Variants in WASHC2C observed in about 807,000 individuals in gnomAD.
WASHC2C encodes Vaccinia Penetration Factor.
WASHC2C carries 73 observed loss-of-function variants against 142.2 expected under a neutral mutation model. The observed-to-expected ratio is 0.51, with a 90% CI of 0.43 to 0.62. The LOEUF (loss-of-function observed/expected upper bound fraction) is 0.62, where lower values mean the gene tolerates loss of function less well. Among genes scored for constraint, WASHC2C ranks in the 20% least tolerant of loss-of-function variants. The probability of loss-of-function intolerance (pLI) is 0.00; values close to 1 mark genes in which losing one functional copy is unlikely to be tolerated. For synonymous variants in WASHC2C, 337 were observed against 565.5 expected (o/e 0.60, Z 5.73); for missense variants, 969 against 1,531.7 (o/e 0.63, Z 6.13).
chr10:45,784,271 T>TATATATATATATACACACAC, intron 23 of WASHC2C, among the ~76,000 whole-genome samples: 1 of 8,724 alleles, frequency 1.1e-4, no homozygotes, highest in South Asian at 0.012. Context: ...TATATATATA[T>TATATATATATATACACACAC]ATATATATAT....
Position 45,750,174 on chromosome 10 carries a change from G to T in WASHC2C, c.811G>T (p.Asp271Tyr), listed in dbSNP as rs567595903. 44 of 1,611,460 alleles carry T rather than the reference G, an allele frequency of 2.7e-5. No homozygotes were observed. In the East Asian group the frequency reaches 8.9e-4, roughly 33 times the overall value. Reference sequence around the variant, plus strand: ...TGCTGACTCTGAGAAGGAGGAGGAAGATATTGAGGACATTGAAGAAAATAC... The same window carrying T: ...TGCTGACTCTGAGAAGGAGGAGGAATATATTGAGGACATTGAAGAAAATAC... ...LFADSEKEEE[D>Y]IEDIEENTRP... is the part of the protein sequence containing the mutation. Residue 271 changes from aspartate to tyrosine, a missense_variant, in exon 9 of 31, where the codon GAT becomes TAT. Physicochemically the swap from Asp to Tyr is radical, Grantham distance 160. Coordinates refer to ENST00000623400, the MANE Select transcript of WASHC2C (RefSeq NM_001330074.2).
intron 15 of WASHC2C, among the ~76,000 whole-genome samples, chr10:45,755,824 AT>A: frequency 6.6e-6 from 1 of 151,916 alleles, no homozygotes; most frequent in South Asian, 2.1e-4. Context: ...AGATCCCTAG[AT>A]CCCTAAGGTG....
chr10:45,759,187 C>G (rs1239050898), intron 16 of WASHC2C, 128 bp from the exon 17 acceptor site: 2 of 586,292 alleles, frequency 3.4e-6, no homozygotes, highest in African/African-American at 4.4e-5. Context: ...TGCTGCCTAT[C>G]ACAGCAGAGA....
intron 10 of WASHC2C, among the ~76,000 whole-genome samples, 189 bp downstream of exon 10, chr10:45,751,027 CTG>C (rs2053523094): frequency 6.6e-6 from 1 of 152,224 alleles, no homozygotes; most frequent in East Asian, 1.9e-4. Flanking sequence ...TAACTGAACA[CTG>C]TGGACCCACA....
At chr10:45,731,862 T>G (rs1488531922) in intron 3 of WASHC2C, among the ~76,000 whole-genome samples, 3 of 145,184 alleles carry the variant, frequency 2.1e-5, no homozygotes, top group Non-Finnish European at 4.5e-5. Flanking sequence ...TGGTGCAATC[T>G]CAGCCCACTG....
chr10:45,751,651 C>T lies in WASHC2C; in HGVS notation c.1003+98C>T, dbSNP rs553908694. On this transcript the variant is annotated intron_variant, in intron 11 of 30. Coordinates refer to ENST00000623400, the MANE Select transcript of WASHC2C (RefSeq NM_001330074.2). ...AGTACTGCTTTACATGCTGTTTTCC[C>T]TCTGACAAATGGGTCTGTCTCCATT... The T allele has an allele frequency of 8.5e-3, 9,645 of 1,130,720 alleles. 45 individuals are homozygous for T. Among genetic ancestry groups the T allele is most frequent in the Middle Eastern group, 0.013 (44 of 3,350 alleles). 70.0% of individuals were successfully genotyped at this position (1,130,720 alleles called of 1,614,324 possible). A position where few individuals can be genotyped will look rare whatever the true frequency, so the allele number is the denominator to read the frequency against.
At chr10:45,785,853 T>C in intron 26 of WASHC2C, 2 of 881,248 alleles carry the variant, frequency 2.3e-6, no homozygotes, top group Non-Finnish European at 3.3e-6. Context: ...TAGTGTTTTT[T>C]GATGCCATGC....
intron 30 of WASHC2C, among the ~76,000 whole-genome samples, chr10:45,791,161 C>T (rs1230268989): frequency 1.2e-4 from 19 of 152,276 alleles, no homozygotes; most frequent in South Asian, 6.2e-4. Context: ...CTACTCCCCC[C>T]GTCAATCTAG....
At chr10:45,762,030 A>G (rs1348035717) in intron 17 of WASHC2C, among the ~76,000 whole-genome samples, 2 of 151,196 alleles carry the variant, frequency 1.3e-5, no homozygotes, top group South Asian at 4.2e-4. Flanking sequence ...AAAACTGTCC[A>G]AAGAGGTCTT....
chr10:45,754,452 T>G, intron 13 of WASHC2C, 34 bp from the exon 14 acceptor site: 5 of 1,595,268 alleles, frequency 3.1e-6, no homozygotes, highest in Non-Finnish European at 4.3e-6. Flanking sequence ...TTATTTCCCT[T>G]GTAAAATGGT....
intron 23 of WASHC2C, among the ~76,000 whole-genome samples, chr10:45,784,193 A>G (rs1388865357): frequency 2.0e-5 from 3 of 148,116 alleles, no homozygotes; most frequent in African/African-American, 2.5e-5. Flanking sequence ...TATATAATAT[A>G]TATAACCTGG....
chr10:45,742,708 C>A (rs2052263215), intron 5 of WASHC2C, among the ~76,000 whole-genome samples: 1 of 152,010 alleles, frequency 6.6e-6, no homozygotes, highest in Non-Finnish European at 1.5e-5. Context: ...AGTTTCTTTC[C>A]TTGGTCCTCC....
chr10:45,738,165 T>A (rs1413412697), intron 4 of WASHC2C, 120 bp downstream of exon 4: 4 of 1,600,460 alleles, frequency 2.5e-6, no homozygotes, highest in Admixed American at 3.4e-5. Flanking sequence ...GGACTGCTCC[T>A]GACAGCAGCC....
At position 45,792,654 on chromosome 10, in the gene WASHC2C, G is replaced by A. The variant is rs1361949805; in HGVS notation, c.*254G>A. 46 of 549,200 alleles carry A rather than the reference G, an allele frequency of 8.4e-5. No individual in the cohort carries two copies. The highest frequency in any genetic ancestry group is 1.1e-4 in the Non-Finnish European group (34 of 296,154). The allele number at this position is 549,200 out of a possible 1,614,324, so 34.0% of individuals were successfully genotyped here. On this transcript the variant is annotated 3_prime_UTR_variant, in exon 31 of 31. Coordinates refer to ENST00000623400, the MANE Select transcript of WASHC2C (RefSeq NM_001330074.2). ...GTTTGATTTAGTTAGCCTTGCTGGG[G>A]CCATAATATGCTTCAGGGTGTGTAA...
chr10:45,768,950 A>T (rs1554883502), intron 19 of WASHC2C, among the ~76,000 whole-genome samples: 4 of 152,028 alleles, frequency 2.6e-5, no homozygotes, highest in Non-Finnish European at 1.5e-5. Flanking sequence ...AAGCTCTGTG[A>T]GGTCAGAGAG....
chr10:45,769,328 A>T (rs367950960), intron 19 of WASHC2C, 121 bp from the exon 20 acceptor site: 11 of 1,440,482 alleles, frequency 7.6e-6, no homozygotes, highest in Non-Finnish European at 1.0e-5. Context: ...CCGTGTTAGC[A>T]AGGATGGTCT....
intron 3 of WASHC2C, among the ~76,000 whole-genome samples, chr10:45,732,193 T>C (rs2050692581): frequency 1.3e-5 from 2 of 152,184 alleles, no homozygotes; most frequent in Admixed American, 1.3e-4. Flanking sequence ...TCATGGTAAT[T>C]TATCAGAAAC....
chr10:45,755,430 T>G (rs1482925921), intron 15 of WASHC2C, among the ~76,000 whole-genome samples: 2 of 152,212 alleles, frequency 1.3e-5, no homozygotes, highest in African/African-American at 2.4e-5. Context: ...TAATCATCCT[T>G]TCTTCCAGCC....
intron 5 of WASHC2C, among the ~76,000 whole-genome samples, chr10:45,740,650 A>T (rs1466388954): frequency 3.3e-5 from 5 of 152,080 alleles, no homozygotes; most frequent in African/African-American, 1.2e-4. Context: ...AGTGTTGGGA[A>T]CCTGAAATTA....
Sources: gnomAD v4.1 joint callset for allele counts (sites outside exome capture counted in the v4.1 genomes callset) on GRCh38, gnomAD v4.1.1 for gene constraint, MANE v1.5 for transcripts, NCBI Gene and HGNC (gene_info 2026-07-23, HGNC 2026-07-21) for gene names.